The following PIK3C2B variants were observed in gnomAD, a reference collection of about 807,000 sequenced individuals.
The protein encoded by PIK3C2B is phosphatidylinositol-4-phosphate 3-kinase catalytic subunit type 2 beta.
A neutral mutation model predicts 184.3 loss-of-function variants in PIK3C2B; 83 were observed. That is an observed-to-expected ratio of 0.45 (90% CI 0.38 to 0.54). The LOEUF is 0.54. Ranked by LOEUF, PIK3C2B falls within the 20% of genes least tolerant of loss-of-function variation. The pLI, the probability that PIK3C2B is intolerant of heterozygous loss-of-function variation, is 0.00. For missense variants in PIK3C2B, 1,736 were observed against 2,113.5 expected (o/e 0.82, Z 3.50); for synonymous variants, 779 against 837.6 (o/e 0.93, Z 1.21).
At position 204,425,006 on chromosome 1, in the gene PIK3C2B, T is replaced by G; in HGVS notation, c.4751A>C (p.Gln1584Pro). ...CACGCTCAGCTGGAGCTCCCGCTGC[T>G]GCAGGTCACCCTTGGGGATCCCATC... ...VYDGIPKGDL[Q>P]QRELQLSVLS... Residue 1584 changes from glutamine (Q) to proline (P), a missense_variant, in exon 33 of 33, where the codon CAG (glutamine) becomes CCG (proline). Transcript: ENST00000684373. The G allele has an allele frequency of 6.2e-7, 1 of 1,614,046 alleles. No homozygotes were observed.
chr1:204,486,306 AAT>A (rs563473962), intron 1 of PIK3C2B, among the ~76,000 whole-genome samples: 147 of 151,490 alleles, frequency 9.7e-4, no homozygotes, highest in African/African-American at 3.4e-3. Flanking sequence ...GAGGCAGGAG[AAT>A]CACTTGAACC....
At chr1:204,468,416 G>A (rs1655997283) in intron 2 of PIK3C2B, among the ~76,000 whole-genome samples, 1 of 151,880 alleles carries the variant, frequency 6.6e-6, no homozygotes, top group Non-Finnish European at 1.5e-5. Context: ...GGCATTCAGT[G>A]GGCACTAAAC....
At chr1:204,453,358 C>T (rs892074868) in intron 12 of PIK3C2B, among the ~76,000 whole-genome samples, 4 of 152,212 alleles carry the variant, frequency 2.6e-5, no homozygotes, top group African/African-American at 9.7e-5. Flanking sequence ...TGGCTGACGC[C>T]TACCTTCCCG....
chr1:204,469,858 TG>T lies in PIK3C2B; in HGVS notation c.-57del. The T allele has an allele frequency of 2.4e-6, 3 of 1,241,570 alleles. No individual in the cohort carries two copies. Among genetic ancestry groups the T allele is most frequent in the Non-Finnish European group, 3.5e-6 (3 of 848,318 alleles). 76.9% of individuals were successfully genotyped at this position (1,241,570 alleles called of 1,614,324 possible). A position where few individuals can be genotyped will look rare whatever the true frequency, so the allele number is the denominator to read the frequency against. On this transcript the variant is annotated 5_prime_UTR_variant, in exon 2 of 33. It removes the in-frame stop codon of an upstream open reading frame in the 5' UTR. Transcript: ENST00000684373. The stretch of plus-strand genomic sequence containing the variant: ...CTCTACTTCCTGCCAACGTCAGTTC[TG>T]GAGGGTTGTGACATGGTGTCTGGGC...
At chr1:204,436,076 A>C (rs1046962454) in intron 23 of PIK3C2B, among the ~76,000 whole-genome samples, 9 of 152,198 alleles carry the variant, frequency 5.9e-5, no homozygotes, top group Non-Finnish European at 1.2e-4. Context: ...TAAGTTATGC[A>C]GGGTGTTAGC....
At chr1:204,474,971 C>A (rs969730373) in intron 1 of PIK3C2B, among the ~76,000 whole-genome samples, 2 of 152,020 alleles carry the variant, frequency 1.3e-5, no homozygotes, top group African/African-American at 4.8e-5. Flanking sequence ...GGCCTGCCAC[C>A]TTTTCCTCCT....
rs534078667 is a variant in PIK3C2B at position 204,439,622 on chromosome 1, CCTT to C, written c.3380-554_3380-552del. ...TCAAACTTCCCCCAACTGTCTCTCT[CCTT>C]CTCTCTCTCTCTCTATATATATATT... On this transcript the variant is annotated intron_variant, in intron 22 of 32. Coordinates refer to ENST00000684373, the MANE Select transcript of PIK3C2B (RefSeq NM_001377334.1). 1.2e-3 allele frequency among the ~76,000 whole-genome samples: 185 copies of C among 152,202 alleles called. 1 individual carries two copies. Among genetic ancestry groups the C allele is most frequent in the African/African-American group, 3.9e-3 (162 of 41,520 alleles).
In PIK3C2B at chr1:204,449,849, C is replaced by T; in HGVS notation, c.2234+1G>A. The T allele has an allele frequency of 6.2e-7, 1 of 1,604,766 alleles. No homozygotes were observed. The highest frequency in any genetic ancestry group is 8.5e-7 in the Non-Finnish European group (1 of 1,175,382). On this transcript the variant is annotated splice_donor_variant, in intron 13 of 32. Coordinates refer to ENST00000684373, the MANE Select transcript of PIK3C2B (RefSeq NM_001377334.1). LOFTEE classifies it high-confidence loss of function. ...GAAGCTGTACCCTGGGGCTCACATA[C>T]TGCCTGAAGTTGAAGAGTGGGGTAG... is the stretch of plus-strand genomic sequence containing the variant.
rs1675181589 is a variant in PIK3C2B, at chr1:204,433,492, C to CTAAG, written c.3844-68_3844-67insCTTA. Reference sequence around the variant, plus strand: ...CAGAGAATTCTTGCTGCTTCTCTACCCTTAGGCAAGGTTTTCTACAGCTAG... The same window carrying CTAAG: ...CAGAGAATTCTTGCTGCTTCTCTACCTAAGCTTAGGCAAGGTTTTCTACAGCTAG... On this transcript the variant is annotated intron_variant, in intron 25 of 32. Coordinates refer to ENST00000684373, the MANE Select transcript of PIK3C2B (RefSeq NM_001377334.1). This position sits in a 1 kb window ranked among gnomAD's most constrained non-coding sequence, Gnocchi z 5.0. The CTAAG allele has an allele frequency of 5.3e-5, 56 of 1,061,924 alleles. No homozygotes were observed. The South Asian group carries it at 6.4e-4, about 12-fold the overall frequency. 65.8% of individuals were successfully genotyped at this position (1,061,924 alleles called of 1,614,324 possible).
rs1298990666 is a variant in PIK3C2B, at chr1:204,494,782, G to A, written c.-511C>T. 2 of 152,016 alleles carry A rather than the reference G, an allele frequency of 1.3e-5. No homozygotes were observed. The highest frequency in any genetic ancestry group is 2.9e-5 in the Non-Finnish European group (2 of 67,982). The allele number at this position is 152,016 out of a possible 1,614,324, so 9.4% of individuals were successfully genotyped here. On this transcript the variant is annotated 5_prime_UTR_variant, in exon 1 of 33. Transcript: ENST00000684373. ...CTGGACAGGCAGGCACCCGGCCGCC[G>A]GCTCCAGCCGCAGCGCCGAATCCGC... is the stretch of plus-strand genomic sequence containing the variant.
chr1:204,457,319 T>C (rs1178153652), intron 9 of PIK3C2B, among the ~76,000 whole-genome samples: 1 of 152,254 alleles, frequency 6.6e-6, no homozygotes, highest in Admixed American at 6.5e-5. Flanking sequence ...GCTACTCGGC[T>C]GCAGATCACA....
At position 204,460,677 on chromosome 1, in the gene PIK3C2B, G is replaced by A; in HGVS notation, c.1311-16C>T. The A allele has an allele frequency of 6.6e-7, 1 of 1,516,948 alleles. No individual in the cohort carries two copies. The highest frequency in any genetic ancestry group is 9.2e-7 in the Non-Finnish European group (1 of 1,091,334). The allele number at this position is 1,516,948 out of a possible 1,614,324, so 94.0% of individuals were successfully genotyped here. The stretch of plus-strand genomic sequence containing the variant: ...GGCATGCTTGCTGGTAGGGTAGAGG[G>A]ACAAGACCATTAGCATCCTGGGGAC... On this transcript the variant is annotated splice_polypyrimidine_tract_variant and intron_variant, in intron 5 of 32. Coordinates refer to ENST00000684373, the MANE Select transcript of PIK3C2B (RefSeq NM_001377334.1).
At chr1:204,485,488 G>GT (rs1164332938) in intron 1 of PIK3C2B, among the ~76,000 whole-genome samples, 3 of 151,848 alleles carry the variant, frequency 2.0e-5, no homozygotes, top group Admixed American at 2.0e-4. Flanking sequence ...CCACTAACTA[G>GT]TCTGTCTCCT....
rs369681126 is a variant in PIK3C2B at position 204,424,237 on chromosome 1, C to T, written c.*615G>A. 1.9e-3 allele frequency: 341 copies of T among 175,584 alleles called. No homozygotes were observed. Among genetic ancestry groups the T allele is most frequent in the African/African-American group, 7.3e-3 (304 of 41,744 alleles). The allele number at this position is 175,584 out of a possible 1,614,324, so 10.9% of individuals were successfully genotyped here. On this transcript the variant is annotated 3_prime_UTR_variant, in exon 33 of 33. Transcript: ENST00000684373. ...TCCAGCACAGGCAGCCCTCCCCAAC[C>T]CTCCCCAACCTGTCCTTAGAGAGGG...
intron 1 of PIK3C2B, among the ~76,000 whole-genome samples, chr1:204,482,121 G>C (rs1220353913): frequency 2.9e-4 from 7 of 23,898 alleles, no homozygotes; most frequent in Admixed American, 4.7e-4. Flanking sequence ...GGGGGGGGGG[G>C]GGGGGTGCTC....
chr1:204,466,587 C>T (rs1300880307), intron 2 of PIK3C2B, among the ~76,000 whole-genome samples: 1 of 151,910 alleles, frequency 6.6e-6, no homozygotes, highest in African/African-American at 2.4e-5. Flanking sequence ...AACAATAGCA[C>T]CACTGTCAGC....
At chr1:204,427,608 A>G (rs1674814911) in intron 31 of PIK3C2B, 40 bp downstream of exon 31, 29 of 1,417,244 alleles carry the variant, frequency 2.0e-5, no homozygotes, top group Non-Finnish European at 2.9e-5. Flanking sequence ...CTAAAGAAAC[A>G]TTAAAAAAGA....
intron 14 of PIK3C2B, among the ~76,000 whole-genome samples, chr1:204,448,696 A>C (rs1034645606): frequency 1.8e-4 from 28 of 151,586 alleles, no homozygotes; most frequent in Admixed American, 2.6e-4. Flanking sequence ...TTCATACTCC[A>C]TACCAAAGTA....
intron 12 of PIK3C2B, 116 bp from the exon 13 acceptor site, chr1:204,450,133 C>CTGAACCCTG: frequency 2.4e-6 from 2 of 839,298 alleles, no homozygotes; most frequent in Non-Finnish European, 3.6e-6. Context: ...TCTCAGGGTT[C>CTGAACCCTG]AGACATACTC....
Sources: gnomAD v4.1 joint callset for allele counts (sites outside exome capture counted in the v4.1 genomes callset) on GRCh38, gnomAD v4.1.1 for gene constraint, Gnocchi (gnomAD v3.1) non-coding constraint, MANE v1.5 for transcripts, NCBI Gene and HGNC (gene_info 2026-07-23, HGNC 2026-07-21) for gene names.